The following PTPRD variants were observed in gnomAD, a reference collection of about 807,000 sequenced individuals.
The protein encoded by PTPRD is receptor-type tyrosine-protein phosphatase delta.
Under a neutral mutation model 214.5 loss-of-function variants are expected in PTPRD, and 34 were observed. The ratio of observed to expected loss-of-function variants is 0.16; its 90% confidence interval spans 0.12 to 0.21. PTPRD has a LOEUF of 0.21. Ranked by LOEUF, PTPRD falls within the 10% of genes least tolerant of loss-of-function variation. The pLI is 1.00. For missense variants in PTPRD, 2,545 were observed against 2,398.7 expected, an observed-to-expected ratio of 1.06 and a Z score of -1.27; for synonymous variants, 1,128 against 845.7, an observed-to-expected ratio of 1.33 and a Z score of -5.79.
intron 12 of PTPRD, among the ~76,000 whole-genome samples, chr9:8,711,028 TCTTA>T (rs1280938503): frequency 2.0e-5 from 3 of 151,904 alleles, no homozygotes; most frequent in Non-Finnish European, 2.9e-5. Context: ...TGTGAAAGTA[TCTTA>T]CTTTATTTTA....
intron 42 of PTPRD, 147 bp from the exon 43 acceptor site, chr9:8,339,194 T>C: frequency 1.2e-6 from 1 of 819,362 alleles, no homozygotes; most frequent in Non-Finnish European, 1.8e-6. Context: ...ATATGACTCA[T>C]TTCCTCTTAG....
intron 3 of PTPRD, among the ~76,000 whole-genome samples, chr9:10,145,172 G>C (rs2099013774): frequency 6.6e-6 from 1 of 152,080 alleles, no homozygotes; most frequent in Non-Finnish European, 1.5e-5. Flanking sequence ...TGTAAAAATT[G>C]AGATTTCTGT....
chr9:10,157,516 GC>G (rs2099100876), intron 3 of PTPRD, among the ~76,000 whole-genome samples: 1 of 152,106 alleles, frequency 6.6e-6, no homozygotes, highest in African/African-American at 2.4e-5. Context: ...AGTCTCACGG[GC>G]TTCCCTTTGT....
Position 9,709,461 on chromosome 9 carries a change from C to G in PTPRD, c.-287+25072G>C, listed in dbSNP as rs551588636. On this transcript the variant is annotated intron_variant, in intron 7 of 45. Coordinates refer to ENST00000381196, the MANE Select transcript of PTPRD (RefSeq NM_002839.4). ...CAACACTCAGGTAGTAAACTATAGA[C>G]CTGAACAATAAAAAACTAAAAATAA... Among the ~76,000 whole-genome samples the G allele has an allele frequency of 2.4e-3, 369 of 151,870 alleles. 1 individual carries two copies. Among genetic ancestry groups the G allele is most frequent in the African/African-American group, 8.6e-3 (357 of 41,480 alleles).
At chr9:8,614,116 T>G (rs149103126) in intron 14 of PTPRD, among the ~76,000 whole-genome samples, 2 of 152,170 alleles carry the variant, frequency 1.3e-5, no homozygotes, top group Non-Finnish European at 2.9e-5. Context: ...ATTAATACAT[T>G]ATTGGTAAAT....
intron 7 of PTPRD, among the ~76,000 whole-genome samples, chr9:9,596,264 A>G (rs1050733441): frequency 1.3e-5 from 2 of 152,010 alleles, no homozygotes; most frequent in Admixed American, 1.3e-4. Flanking sequence ...TATATCAGAT[A>G]AAATAGCATA....
At chr9:9,269,177 T>C (rs1475188332) in intron 9 of PTPRD, among the ~76,000 whole-genome samples, 1 of 151,382 alleles carries the variant, frequency 6.6e-6, no homozygotes, top group Non-Finnish European at 1.5e-5. Flanking sequence ...TAAAGCTAAA[T>C]AACCTTATTT....
intron 2 of PTPRD, among the ~76,000 whole-genome samples, chr9:10,444,015 A>G (rs2098780718): frequency 6.6e-6 from 1 of 151,698 alleles, no homozygotes; most frequent in Non-Finnish European, 1.5e-5. Context: ...GTTGCCCAAC[A>G]TTCATATTCC....
chr9:8,578,042 G>T (rs1317807277), intron 14 of PTPRD, among the ~76,000 whole-genome samples: 1 of 151,976 alleles, frequency 6.6e-6, no homozygotes, highest in Non-Finnish European at 1.5e-5. Context: ...CAAATAAACT[G>T]GTAATTAAAA....
chr9:9,208,627 ATC>A (rs2099946512), intron 9 of PTPRD, among the ~76,000 whole-genome samples: 1 of 151,832 alleles, frequency 6.6e-6, no homozygotes, highest in South Asian at 2.1e-4. Flanking sequence ...TGTTTTTCCT[ATC>A]TGTCTTAAGT....
intron 11 of PTPRD, among the ~76,000 whole-genome samples, chr9:9,014,509 C>G (rs1488784139): frequency 6.6e-6 from 1 of 152,068 alleles, no homozygotes; most frequent in Non-Finnish European, 1.5e-5. Flanking sequence ...TGAATAAGAT[C>G]ACAATCAATC....
rs987366494 is a variant in PTPRD, at chr9:8,404,399, G to A, written c.4210+138C>T. 3 of 1,184,028 alleles carry A rather than the reference G, an allele frequency of 2.5e-6. No homozygotes were observed. The Admixed American group carries it at 8.5e-5, about 33-fold the overall frequency. 73.3% of individuals were successfully genotyped at this position (1,184,028 alleles called of 1,614,324 possible). On this transcript the variant is annotated intron_variant, in intron 36 of 45. Transcript: ENST00000381196. ...CCGCCTCAGCCTCCCAAAGTGCTGGGATTACAGGCGTGAGCCACCATGCAC... is the reference window on the plus strand; with the variant it reads ...CCGCCTCAGCCTCCCAAAGTGCTGGAATTACAGGCGTGAGCCACCATGCAC...
chr9:9,445,884 G>A (rs775017849), intron 8 of PTPRD, among the ~76,000 whole-genome samples: 1 of 152,140 alleles, frequency 6.6e-6, no homozygotes, highest in Non-Finnish European at 1.5e-5. Flanking sequence ...GAACTCTTGT[G>A]CTTATGCAAG....
chr9:10,371,600 T>C (rs2154477910), intron 2 of PTPRD, among the ~76,000 whole-genome samples: 1 of 152,178 alleles, frequency 6.6e-6, no homozygotes, highest in East Asian at 1.9e-4. Flanking sequence ...TCTCCTGTAA[T>C]GAATATTCAA....
At position 9,619,982 on chromosome 9, in the gene PTPRD, GAGAGAGAA is replaced by G. The variant is rs898014020; in HGVS notation, c.-286-45209_-286-45202del. On this transcript the variant is annotated intron_variant, in intron 7 of 45. Coordinates refer to ENST00000381196, the MANE Select transcript of PTPRD (RefSeq NM_002839.4). ...ATCTCCACATATATATGGAGAAAGAGAGAGAGAAAGAGAGAAAGAGAGAGAGGTGGAGA... is the reference window on the plus strand; with the variant it reads ...ATCTCCACATATATATGGAGAAAGAGAGAGAGAAAGAGAGAGAGGTGGAGA... Among the ~76,000 whole-genome samples the G allele has an allele frequency of 5.2e-4, 79 of 151,806 alleles. 1 individual carries two copies. Among genetic ancestry groups the G allele is most frequent in the South Asian group, 1.7e-3 (8 of 4,820 alleles).
intron 2 of PTPRD, among the ~76,000 whole-genome samples, chr9:10,352,131 C>A (rs529368583): frequency 1.3e-5 from 2 of 152,048 alleles, no homozygotes; most frequent in Admixed American, 6.6e-5. Context: ...TCTCATTAAC[C>A]TTTGGCAGGC....
At chr9:8,720,162 C>G (rs1026105116) in intron 12 of PTPRD, among the ~76,000 whole-genome samples, 1 of 152,226 alleles carries the variant, frequency 6.6e-6, no homozygotes, top group Non-Finnish European at 1.5e-5. Flanking sequence ...AGGCTGGACT[C>G]TGGCTGGAAT....
chr9:8,927,228 T>C (rs571733798), intron 11 of PTPRD, among the ~76,000 whole-genome samples: 5 of 152,166 alleles, frequency 3.3e-5, no homozygotes, highest in Non-Finnish European at 7.4e-5. Flanking sequence ...ATTTATTTAT[T>C]TATTTTTATT....
At chr9:10,537,309 G>C (rs2058058632) in intron 2 of PTPRD, among the ~76,000 whole-genome samples, 2 of 152,160 alleles carry the variant, frequency 1.3e-5, no homozygotes, top group South Asian at 4.1e-4. Context: ...ATTTGTTAAT[G>C]TCAGCCTTAA....
Sources: allele counts gnomAD v4.1 joint callset (sites outside exome capture counted in the v4.1 genomes callset), GRCh38; gene constraint gnomAD v4.1.1; transcripts MANE v1.5; gene names NCBI Gene and HGNC (gene_info 2026-07-23, HGNC 2026-07-21).